CARS1: variants seen among roughly 807,000 people sequenced by gnomAD.
The protein encoded by CARS1 is cysteinyl-tRNA synthetase 1.
Under a neutral mutation model 106.2 loss-of-function variants are expected in CARS1, and 48 were observed. That is an observed-to-expected ratio of 0.45 (90% CI 0.36 to 0.57). The LOEUF (loss-of-function observed/expected upper bound fraction) is 0.57, where lower values mean the gene tolerates loss of function less well. CARS1 is among the 20% of genes least tolerant of loss of function. The pLI, the probability that CARS1 is intolerant of heterozygous loss-of-function variation, is 0.00. For missense variants in CARS1, 968 were observed against 1,057.2 expected (o/e 0.92, Z 1.17); for synonymous variants, 409 against 403.4 (o/e 1.01, Z -0.17).
chr11:3,010,167 G>C (rs577385916), intron 18 of CARS1, among the ~76,000 whole-genome samples: 21 of 152,354 alleles, frequency 1.4e-4, no homozygotes, highest in Admixed American at 9.1e-4. Flanking sequence ...CCAGGCCTGA[G>C]CAAGTCCTGT....
rs1854558811 is a variant in CARS1 at position 3,042,253 on chromosome 11, T to C, written c.278A>G (p.Lys93Arg). 2 of 1,611,308 alleles carry C rather than the reference T, an allele frequency of 1.2e-6. No homozygotes were observed. Among genetic ancestry groups the C allele is most frequent in the Non-Finnish European group, 1.7e-6 (2 of 1,179,784 alleles). Residue 93 changes from lysine (K) to arginine (R), a missense_variant, in exon 3 of 23, where the codon AAA (lysine) becomes AGA (arginine). Lys to Arg is a conservative substitution (Grantham distance 26). Coordinates refer to ENST00000380525, the MANE Select transcript of CARS1 (RefSeq NM_001014437.3). ...CCACTGGGGCTGCACACGCCGGCCT[T>C]TGCCTGGGAGGCAGAGAGAGCAGGA... is the stretch of plus-strand genomic sequence containing the variant. The part of the protein sequence containing the change: ...KGQPCRLQAS[K>R]GRRVQPQWSP...
At chr11:3,015,575 C>T (rs1195351322) in intron 17 of CARS1, among the ~76,000 whole-genome samples, 1 of 152,222 alleles carries the variant, frequency 6.6e-6, no homozygotes, top group Non-Finnish European at 1.5e-5. Context: ...AACCAACAGT[C>T]ACAACCAAAG....
At chr11:3,042,819 A>ACCTCCAAG (rs1854656430) in intron 2 of CARS1, among the ~76,000 whole-genome samples, 1 of 152,144 alleles carries the variant, frequency 6.6e-6, no homozygotes, top group Non-Finnish European at 1.5e-5. Context: ...GACAGAGGCC[A>ACCTCCAAG]CCTCCAAGCC....
rs115514068 is a variant in CARS1 at position 3,046,306 on chromosome 11, G to A, written c.274+1447C>T. Among the ~76,000 whole-genome samples the A allele has an allele frequency of 5.0e-3, 764 of 152,298 alleles. 3 individuals are homozygous for A. Among genetic ancestry groups the A allele is most frequent in the African/African-American group, 0.017 (718 of 41,566 alleles). ...GGCCACTGCTGAGCTGGACGTACCA[G>A]GCCCGCTTCACCCTCCCTAATCCTG... On this transcript the variant is annotated intron_variant, in intron 2 of 22. Coordinates refer to ENST00000380525, the MANE Select transcript of CARS1 (RefSeq NM_001014437.3). This position sits in a 1 kb window ranked among gnomAD's most constrained non-coding sequence, Gnocchi z 5.8.
Position 3,039,331 on chromosome 11 carries a change from A to G in CARS1, c.553-39T>C, listed in dbSNP as rs1198929473. ...GCAGACATTGGGGAGTGATGCTTGG[A>G]TCCCACATGCATCCCTCTGCAGCAG... is the stretch of plus-strand genomic sequence containing the variant. On this transcript the variant is annotated intron_variant, in intron 5 of 22. Coordinates refer to ENST00000380525, the MANE Select transcript of CARS1 (RefSeq NM_001014437.3). This position sits in a 1 kb window ranked among gnomAD's most constrained non-coding sequence, Gnocchi z 5.6. 8.2e-7 allele frequency: 1 copy of G among 1,226,416 alleles called. No individual in the cohort carries two copies. The highest frequency in any genetic ancestry group is 1.5e-5 in the African/African-American group (1 of 67,246). 76.0% of individuals were successfully genotyped at this position (1,226,416 alleles called of 1,614,324 possible).
chr11:3,052,479 C>T lies in CARS1; in HGVS notation c.26-4478G>A, dbSNP rs144731925. ...TCCTGGAGTTTTCCTAGGGCTCACA[C>T]ACCCATTTTTATTTAATTAATTTTA... On this transcript the variant is annotated intron_variant, in intron 1 of 22. Coordinates refer to ENST00000380525, the MANE Select transcript of CARS1 (RefSeq NM_001014437.3). This position sits in a 1 kb window ranked among gnomAD's most constrained non-coding sequence, Gnocchi z 4.6. 1.8e-3 allele frequency among the ~76,000 whole-genome samples: 272 copies of T among 152,336 alleles called. No individual in the cohort carries two copies. Among genetic ancestry groups the T allele is most frequent in the African/African-American group, 6.0e-3 (248 of 41,578 alleles).
In CARS1 at chr11:3,057,415, A is replaced by T; in HGVS notation, c.-48T>A. 6.3e-7 allele frequency: 1 copy of T among 1,577,136 alleles called. No homozygotes were observed. Among genetic ancestry groups the T allele is most frequent in the Non-Finnish European group, 8.7e-7 (1 of 1,152,486 alleles). ...GCTGCGGCTACAGACACTTCCTAGA[A>T]TCTGATGCAACCGCCGCCCCGGAAG... On this transcript the variant is annotated 5_prime_UTR_variant, in exon 1 of 23. Coordinates refer to ENST00000380525, the MANE Select transcript of CARS1 (RefSeq NM_001014437.3).
At chr11:3,010,687 A>G (rs1384351785) in intron 18 of CARS1, among the ~76,000 whole-genome samples, 2 of 152,156 alleles carry the variant, frequency 1.3e-5, no homozygotes, top group Non-Finnish European at 2.9e-5. Context: ...CAGCCTGTGG[A>G]GCCCCGAGCT....
chr11:3,043,328 G>A lies in CARS1; in HGVS notation c.275-1072C>T, dbSNP rs1259653284. Among the ~76,000 whole-genome samples the A allele has an allele frequency of 2.6e-4, 39 of 152,040 alleles. No homozygotes were observed. The highest frequency in any genetic ancestry group is 7.4e-5 in the Non-Finnish European group (5 of 67,998). ...TGAAACGTCAATCTGGCAAAGCTAG[G>A]TGTGGAGGACGGTACCTGGTGACTT... On this transcript the variant is annotated intron_variant, in intron 2 of 22. Transcript: ENST00000380525. The surrounding 1 kb of genome is among the most constrained non-coding windows in gnomAD (Gnocchi z 4.0).
chr11:3,012,826 C>CCCA (rs999016847), intron 17 of CARS1, among the ~76,000 whole-genome samples: 3 of 152,116 alleles, frequency 2.0e-5, no homozygotes. Context: ...AGATTCACCA[C>CCCA]CCACAGTAAC....
rs1042205730 is a variant in CARS1, at chr11:3,050,967, G to T, written c.26-2966C>A. ...CGATCTTCAGCATCTACAACTGAGCGTGTGACATTCCAGATATCAGCTAAA... is the reference window on the plus strand; with the variant it reads ...CGATCTTCAGCATCTACAACTGAGCTTGTGACATTCCAGATATCAGCTAAA... On this transcript the variant is annotated intron_variant, in intron 1 of 22. Transcript: ENST00000380525. This position sits in a 1 kb window ranked among gnomAD's most constrained non-coding sequence, Gnocchi z 6.3. Among the ~76,000 whole-genome samples the T allele has an allele frequency of 1.1e-4, 17 of 152,242 alleles. No individual in the cohort carries two copies. Among genetic ancestry groups the T allele is most frequent in the African/African-American group, 4.1e-4 (17 of 41,464 alleles).
At position 3,057,383 on chromosome 11, in the gene CARS1, A is replaced by G; in HGVS notation, c.-16T>C. On this transcript the variant is annotated 5_prime_UTR_variant, in exon 1 of 23. Transcript: ENST00000380525. Reference sequence around the variant, plus strand: ...AATCTGCCATGGCTGGGAATCCCGGACCCGCAGCTGCGGCTACAGACACTT... The same window carrying G: ...AATCTGCCATGGCTGGGAATCCCGGGCCCGCAGCTGCGGCTACAGACACTT... 3 of 1,608,806 alleles carry G rather than the reference A, an allele frequency of 1.9e-6. No homozygotes were observed. The highest frequency in any genetic ancestry group is 1.3e-5 in the African/African-American group (1 of 74,932).
At chr11:3,001,521 T>C (rs1444507062) in intron 22 of CARS1, among the ~76,000 whole-genome samples, 1 of 152,204 alleles carries the variant, frequency 6.6e-6, no homozygotes, top group Non-Finnish European at 1.5e-5. Flanking sequence ...TACCCATGGC[T>C]GAGTTCTGAC....
Position 3,004,735 on chromosome 11 carries a change from T to C in CARS1, c.2217+631A>G, listed in dbSNP as rs922797798. Reference sequence around the variant, plus strand: ...GGCGTTGTGGGGTGCAGGTGGGGAGTATGCTGGGAATAGGAGGTGGAGATG... The same window carrying C: ...GGCGTTGTGGGGTGCAGGTGGGGAGCATGCTGGGAATAGGAGGTGGAGATG... On this transcript the variant is annotated intron_variant, in intron 20 of 22. Coordinates refer to ENST00000380525, the MANE Select transcript of CARS1 (RefSeq NM_001014437.3). The surrounding 1 kb of genome is among the most constrained non-coding windows in gnomAD (Gnocchi z 5.2). Among the ~76,000 whole-genome samples, 7 of 151,760 alleles carry C rather than the reference T, an allele frequency of 4.6e-5. No individual in the cohort carries two copies. The highest frequency in any genetic ancestry group is 2.0e-4 in the Admixed American group (3 of 15,224).
chr11:3,005,520 CAGACCA>C lies in CARS1; in HGVS notation c.2150-93_2150-88del. On this transcript the variant is annotated intron_variant, in intron 19 of 22. Transcript: ENST00000380525. ...CAGCCCTGCCCTGCCCTGCCCTGCC[CAGACCA>C]TGCGGTGCTGCCCAGTCAGAGCGAG... The C allele has an allele frequency of 2.9e-6, 3 of 1,030,680 alleles. No homozygotes were observed. In the Admixed American group the frequency reaches 6.0e-5, roughly 20 times the overall value. 63.8% of individuals were successfully genotyped at this position (1,030,680 alleles called of 1,614,324 possible).
intron 22 of CARS1, among the ~76,000 whole-genome samples, chr11:3,001,591 G>A (rs554211519): frequency 2.0e-5 from 3 of 152,254 alleles, no homozygotes; most frequent in Non-Finnish European, 4.4e-5. Context: ...GGGGCCTAGA[G>A]GTTTGGAGGC....
chr11:3,054,763 G>A (rs1856030060), intron 1 of CARS1: 1 of 650,968 alleles, frequency 1.5e-6, no homozygotes, highest in Admixed American at 2.4e-5. Flanking sequence ...GGAGATAACA[G>A]ATGCAAAGCA....
Position 3,005,350 on chromosome 11 carries a change from T to C in CARS1, c.2217+16A>G. 1 of 1,589,946 alleles carries C rather than the reference T, an allele frequency of 6.3e-7. No individual in the cohort carries two copies. Among genetic ancestry groups the C allele is most frequent in the South Asian group, 1.1e-5 (1 of 90,150 alleles). ...TTCAACAAATATCACGCTTAAGTCA[T>C]TTTCACTTTACTCACCCGTCTCTTT... On this transcript the variant is annotated intron_variant, in intron 20 of 22. Transcript: ENST00000380525.
At chr11:3,018,857 C>T (rs2071103) in intron 12 of CARS1, 108 bp from the exon 13 acceptor site, 561,603 of 1,428,056 alleles carry the variant, frequency 0.39, 116,994 homozygotes, top group East Asian at 0.64. Context: ...GCAGGAGCTG[C>T]GTTTTCCAGG....
Sources: gnomAD v4.1 joint callset for allele counts (sites outside exome capture counted in the v4.1 genomes callset) on GRCh38, gnomAD v4.1.1 for gene constraint, Gnocchi (gnomAD v3.1) non-coding constraint, MANE v1.5 for transcripts, NCBI Gene and HGNC (gene_info 2026-07-23, HGNC 2026-07-21) for gene names.